ZW10: variants seen among roughly 807,000 people sequenced by gnomAD.
ZW10 encodes zw10 kinetochore protein.
Under a neutral mutation model 87.8 loss-of-function variants are expected in ZW10, and 53 were observed. The ratio of observed to expected loss-of-function variants is 0.60; its 90% confidence interval spans 0.48 to 0.76. ZW10 has a LOEUF of 0.76. ZW10 is among the 30% of genes least tolerant of loss of function. The probability of loss-of-function intolerance (pLI) is 0.00; values close to 1 mark genes in which losing one functional copy is unlikely to be tolerated. For missense variants in ZW10, 837 were observed against 923.0 expected, an observed-to-expected ratio of 0.91 and a Z score of 1.21; for synonymous variants, 312 against 329.2, an observed-to-expected ratio of 0.95 and a Z score of 0.57.
chr11:113,741,763 G>A lies in ZW10; in HGVS notation c.1514C>T (p.Ala505Val), dbSNP rs2134869939. 1 of 1,602,926 alleles carries A rather than the reference G, an allele frequency of 6.2e-7. No homozygotes were observed. The highest frequency in any genetic ancestry group is 8.5e-7 in the Non-Finnish European group (1 of 1,174,718). Residue 505 changes from alanine (A) to valine (V), a missense_variant and splice_region_variant, in exon 11 of 16, where the codon GCT (alanine) becomes GTT (valine). Transcript: ENST00000200135. ...CCTCACTGAGTAGAAAAGTTGAACAGCACTAAAAAGAAAACATAGACTTAA... is the reference window on the plus strand; with the variant it reads ...CCTCACTGAGTAGAAAAGTTGAACAACACTAAAAAGAAAACATAGACTTAA... ...LEATTSSDQCAVQLFYSVRNI... is the reference protein window; with the variant it reads ...LEATTSSDQCVVQLFYSVRNI...
chr11:113,741,898 G>A (rs1404690370), intron 10 of ZW10, 133 bp from the exon 11 acceptor site: 4 of 555,432 alleles, frequency 7.2e-6, no homozygotes, highest in African/African-American at 1.9e-5. Context: ...TGCCTTGGTT[G>A]CTGGAAAACA....
At chr11:113,764,843 T>G (rs1238216291) in intron 2 of ZW10, among the ~76,000 whole-genome samples, 3 of 152,228 alleles carry the variant, frequency 2.0e-5, no homozygotes, top group Non-Finnish European at 4.4e-5. Flanking sequence ...CTCTACTGAT[T>G]TTCCTCTTAG....
At chr11:113,749,415 T>C (rs1953713274) in intron 7 of ZW10, among the ~76,000 whole-genome samples, 2 of 152,134 alleles carry the variant, frequency 1.3e-5, no homozygotes, top group African/African-American at 4.8e-5. Flanking sequence ...TGTGTGCTTA[T>C]AAAGGGACAG....
At position 113,739,303 on chromosome 11, in the gene ZW10, G is replaced by A. The variant is rs766810662; in HGVS notation, c.1663C>T (p.Leu555Phe). The A allele has an allele frequency of 3.7e-6, 6 of 1,613,798 alleles. No homozygotes were observed. In the African/African-American group the frequency reaches 4.0e-5, roughly 11 times the overall value. Residue 555 changes from leucine to phenylalanine, a missense_variant, in exon 12 of 16, where the codon CTC becomes TTC. Physicochemically the swap from Leu to Phe is conservative, Grantham distance 22. Coordinates refer to ENST00000200135, the MANE Select transcript of ZW10 (RefSeq NM_004724.4). ...AGACGCAATCTGAACTGATGCCCGA[G>A]GGTCAGCAAGTGGTGAGCAATGTAC... ...CMYIAHHLLT[L>F]GHQFRLRLAP...
At chr11:113,738,647 T>C (rs1382495678) in intron 12 of ZW10, among the ~76,000 whole-genome samples, 2 of 152,288 alleles carry the variant, frequency 1.3e-5, no homozygotes, top group Non-Finnish European at 2.9e-5. Context: ...TAAGAAAAAT[T>C]ACTATAGAAA....
chr11:113,757,898 C>T (rs751403329), intron 6 of ZW10, 45 bp from the exon 7 acceptor site: 23 of 1,485,936 alleles, frequency 1.5e-5, no homozygotes, highest in Non-Finnish European at 1.9e-5. Context: ...CCATAAGACA[C>T]TTCTAGGCCA....
rs775195138 is a variant in ZW10 at position 113,768,953 on chromosome 11, A to G, written c.120T>C (p.Asn40=). ...RVEEIKGEVC[N]MISKKYSEFL... is the part of the protein sequence containing the mutation. ...ATTCACTGTACTTCTTGCTAATCATATTGCACACCTCACCCTAAAATATAA... is the reference window on the plus strand; with the variant it reads ...ATTCACTGTACTTCTTGCTAATCATGTTGCACACCTCACCCTAAAATATAA... Residue 40 remains asparagine (N), a synonymous_variant, in exon 2 of 16, where the codon AAT becomes AAC. Transcript: ENST00000200135. 1.2e-6 allele frequency: 2 copies of G among 1,613,978 alleles called. No individual in the cohort carries two copies. The highest frequency in any genetic ancestry group is 2.7e-5 in the African/African-American group (2 of 74,940).
chr11:113,733,607 G>T lies in ZW10; in HGVS notation c.*87C>A. The T allele has an allele frequency of 6.3e-7, 1 of 1,579,498 alleles. No individual in the cohort carries two copies. Among genetic ancestry groups the T allele is most frequent in the Non-Finnish European group, 8.6e-7 (1 of 1,157,628 alleles). The stretch of plus-strand genomic sequence containing the variant: ...GATGTACTGGTTCACCAAAACCAAT[G>T]GGCGATTCAAAGAAGTCTTTAAGGG... On this transcript the variant is annotated 3_prime_UTR_variant, in exon 16 of 16. Coordinates refer to ENST00000200135, the MANE Select transcript of ZW10 (RefSeq NM_004724.4).
At chr11:113,738,523 C>G in intron 12 of ZW10, 129 bp from the exon 13 acceptor site, 1 of 846,952 alleles carries the variant, frequency 1.2e-6, no homozygotes, top group Admixed American at 3.6e-5. Flanking sequence ...TAGATAATAT[C>G]ATAAAGCTGC....
chr11:113,744,532 G>A (rs1265089861), intron 9 of ZW10, among the ~76,000 whole-genome samples: 2 of 152,100 alleles, frequency 1.3e-5, no homozygotes, highest in African/African-American at 2.4e-5. Context: ...CTGAATCCTA[G>A]ATGAAAGCAT....
chr11:113,744,990 T>C (rs1953664558), intron 9 of ZW10, among the ~76,000 whole-genome samples: 1 of 152,176 alleles, frequency 6.6e-6, no homozygotes, highest in South Asian at 2.1e-4. Context: ...AATTTGGGGT[T>C]CCACTGTCTA....
At chr11:113,772,357 G>A (rs997991895) in intron 1 of ZW10, among the ~76,000 whole-genome samples, 2 of 152,282 alleles carry the variant, frequency 1.3e-5, no homozygotes, top group African/African-American at 4.8e-5. Context: ...TATTAAAGAA[G>A]AGATGTCAGG....
In ZW10 at chr11:113,739,354, C is replaced by T. The variant is rs374255129; in HGVS notation, c.1612G>A (p.Ala538Thr). 58 of 1,601,970 alleles carry T rather than the reference C, an allele frequency of 3.6e-5. No homozygotes were observed. Among genetic ancestry groups the T allele is most frequent in the Non-Finnish European group, 4.5e-5 (53 of 1,174,804 alleles). Residue 538 changes from alanine (A) to threonine (T), a missense_variant, in exon 12 of 16, where the codon GCT becomes ACT. Coordinates refer to ENST00000200135, the MANE Select transcript of ZW10 (RefSeq NM_004724.4). Reference protein sequence around the residue: ...KENLQKLPQLAAIHHNNCMYI... With the variant: ...KENLQKLPQLTAIHHNNCMYI... ...ATACAGTTGTTGTGATGAATAGCAG[C>T]CAACTGGGGAAGTTTTTGAAGGTTC...
chr11:113,757,324 T>C (rs1394035950), intron 7 of ZW10, among the ~76,000 whole-genome samples: 3 of 152,212 alleles, frequency 2.0e-5, no homozygotes, highest in Admixed American at 1.3e-4. Context: ...AACACTTGGT[T>C]CATTTCTTCT....
intron 7 of ZW10, among the ~76,000 whole-genome samples, chr11:113,752,987 A>G (rs1407728440): frequency 2.0e-5 from 3 of 152,174 alleles, no homozygotes; most frequent in Non-Finnish European, 4.4e-5. Flanking sequence ...TTTAGTGTAA[A>G]CATTACTTTT....
Position 113,768,806 on chromosome 11 carries a change from CTACCCAATATAACAAAT to C in ZW10, c.240+10_240+26del. 1 of 1,611,500 alleles carries C rather than the reference CTACCCAATATAACAAAT, an allele frequency of 6.2e-7. No individual in the cohort carries two copies. The highest frequency in any genetic ancestry group is 1.7e-5 in the Admixed American group (1 of 59,698). On this transcript the variant is annotated intron_variant, in intron 2 of 15. Coordinates refer to ENST00000200135, the MANE Select transcript of ZW10 (RefSeq NM_004724.4). ...GAAGCTGAACCACCTCCCTACAAAC[CTACCCAATATAACAAAT>C]TATCCTTACCTCACTCTCTATCCTG...
intron 7 of ZW10, among the ~76,000 whole-genome samples, chr11:113,757,051 C>T (rs1953795056): frequency 6.6e-6 from 1 of 151,232 alleles, no homozygotes; most frequent in African/African-American, 2.4e-5. Flanking sequence ...AATGGTTAGC[C>T]AGGCTATTCA....
At chr11:113,773,307 G>A (rs116599632) in intron 1 of ZW10, among the ~76,000 whole-genome samples, 1,611 of 151,206 alleles carry the variant, frequency 0.011, 35 homozygotes, top group African/African-American at 0.038. Context: ...CCGCCTGTTC[G>A]TCCCCACAGT....
intron 10 of ZW10, among the ~76,000 whole-genome samples, chr11:113,743,056 T>G (rs919925300): frequency 6.6e-6 from 1 of 152,212 alleles, no homozygotes; most frequent in African/African-American, 2.4e-5. Flanking sequence ...TGCTCTGCCA[T>G]TTTCTTCTCA....
Sources: gnomAD v4.1 joint callset for allele counts (sites outside exome capture counted in the v4.1 genomes callset) on GRCh38, gnomAD v4.1.1 for gene constraint, MANE v1.5 for transcripts, NCBI Gene and HGNC (gene_info 2026-07-23, HGNC 2026-07-21) for gene names.